The following ARHGEF3 variants were observed in gnomAD, a reference collection of about 807,000 sequenced individuals.
The protein encoded by ARHGEF3 is Rho guanine nucleotide exchange factor 3.
Under a neutral mutation model 63.2 loss-of-function variants are expected in ARHGEF3, and 28 were observed. The observed-to-expected ratio is 0.44, with a 90% CI of 0.33 to 0.61. ARHGEF3 has a LOEUF of 0.61. ARHGEF3 is among the 20% of genes least tolerant of loss of function. ARHGEF3 has a pLI of 0.03. For synonymous variants in ARHGEF3, 266 were observed against 254.2 expected, an observed-to-expected ratio of 1.05 and a Z score of -0.44; for missense variants, 533 against 659.3, an observed-to-expected ratio of 0.81 and a Z score of 2.10.
At chr3:57,035,075 T>C in intron 2 of ARHGEF3, 1 of 1,525,626 alleles carries the variant, frequency 6.6e-7, no homozygotes, top group Non-Finnish European at 8.8e-7. Context: ...TTAGGTTATT[T>C]GATTATTTTT....
chr3:56,916,989 A>G (rs1028609524), intron 3 of ARHGEF3, among the ~76,000 whole-genome samples: 1 of 152,160 alleles, frequency 6.6e-6, no homozygotes, highest in East Asian at 1.9e-4. Context: ...CTCCCTTTCA[A>G]CTTTTGTCAT....
chr3:56,941,268 C>T (rs1172940171), intron 3 of ARHGEF3, among the ~76,000 whole-genome samples: 1 of 152,238 alleles, frequency 6.6e-6, no homozygotes, highest in Non-Finnish European at 1.5e-5. Context: ...AGTGCACTGG[C>T]ATGATCTTGG....
At chr3:56,932,220 C>T (rs1429728482) in intron 3 of ARHGEF3, among the ~76,000 whole-genome samples, 1 of 152,082 alleles carries the variant, frequency 6.6e-6, no homozygotes, top group Non-Finnish European at 1.5e-5. Context: ...TGTCTTATGA[C>T]TTCAGCTTTT....
chr3:57,050,191 G>A (rs181078793), intron 1 of ARHGEF3, among the ~76,000 whole-genome samples: 2 of 152,244 alleles, frequency 1.3e-5, no homozygotes, highest in South Asian at 2.1e-4. Flanking sequence ...ATTACCACCT[G>A]CAGTATTGAA....
Position 56,732,341 on chromosome 3 carries a change from G to A in ARHGEF3, c.1125C>T (p.Tyr375=). 6.2e-7 allele frequency: 1 copy of A among 1,614,214 alleles called. No individual in the cohort carries two copies. Among genetic ancestry groups the A allele is most frequent in the Non-Finnish European group, 8.5e-7 (1 of 1,180,042 alleles). Residue 375 remains tyrosine (Y), a synonymous_variant, in exon 9 of 10, where the codon TAC becomes TAT. Coordinates refer to ENST00000296315, the MANE Select transcript of ARHGEF3 (RefSeq NM_019555.3). ...GGTCTTTCACGGGGATTGGCTGACG[G>A]TACAGCTGGTAGCAAAGCTGCTCAT... ...THNEQLCYQL[Y]RQPIPVKDLL... is the part of the protein sequence containing the mutation.
intron 1 of ARHGEF3, among the ~76,000 whole-genome samples, chr3:57,057,062 A>C (rs1038246927): frequency 5.9e-5 from 9 of 151,886 alleles, no homozygotes; most frequent in African/African-American, 2.2e-4. Flanking sequence ...TCCCGTTATG[A>C]TCCTGGGTAA....
chr3:57,022,466 T>C (rs1046449051), intron 2 of ARHGEF3, among the ~76,000 whole-genome samples: 3 of 151,174 alleles, frequency 2.0e-5, no homozygotes, highest in Non-Finnish European at 4.4e-5. Flanking sequence ...ATAGCTTTCC[T>C]ATATACAAAA....
chr3:56,791,611 C>T (rs2037080662), intron 1 of ARHGEF3, among the ~76,000 whole-genome samples: 1 of 152,112 alleles, frequency 6.6e-6, no homozygotes. Context: ...ACGGGGTTCA[C>T]TTAGAACACC....
chr3:56,983,921 C>T (rs62251124), intron 2 of ARHGEF3, among the ~76,000 whole-genome samples: 19,458 of 131,414 alleles, frequency 0.15, 1,718 homozygotes, highest in Middle Eastern at 0.21. Flanking sequence ...AGTGACAGAG[C>T]GAGACTCCGT....
At chr3:56,813,937 C>T (rs929096157) in intron 4 of ARHGEF3, among the ~76,000 whole-genome samples, 14 of 152,114 alleles carry the variant, frequency 9.2e-5, no homozygotes, top group African/African-American at 3.4e-4. Flanking sequence ...CATTCTCCCT[C>T]CTACCTGTCC....
At chr3:56,753,376 C>A in intron 4 of ARHGEF3, 128 bp downstream of exon 4, 2 of 758,928 alleles carry the variant, frequency 2.6e-6, no homozygotes. Flanking sequence ...TTCCCCACTG[C>A]TTGGTGTGTG....
intron 3 of ARHGEF3, among the ~76,000 whole-genome samples, chr3:56,933,677 T>A (rs1003879109): frequency 1.3e-5 from 2 of 152,180 alleles, no homozygotes; most frequent in African/African-American, 4.8e-5. Context: ...CGCCTTGGCC[T>A]CCTAAATTGC....
intron 1 of ARHGEF3, chr3:57,074,205 GGCT>G: frequency 1.2e-6 from 2 of 1,613,992 alleles, no homozygotes; most frequent in Non-Finnish European, 1.7e-6. Flanking sequence ...ATTTACTGAG[GGCT>G]GCTTTGTCAG....
At position 56,970,962 on chromosome 3, in the gene ARHGEF3, G is replaced by A. The variant is rs981530773; in HGVS notation, c.63-12073C>T. ...TCTCACAGGGCTGTTGTGAGGAGTA[G>A]AGGAGTTAATATACGTAAAGCTCTT... is the stretch of plus-strand genomic sequence containing the variant. On this transcript the variant is annotated intron_variant, in intron 2 of 12. Coordinates refer to the ARHGEF3 transcript ENST00000338458. 2.6e-5 allele frequency among the ~76,000 whole-genome samples: 4 copies of A among 152,190 alleles called. No individual in the cohort carries two copies. The East Asian group carries it at 7.7e-4, about 29-fold the overall frequency.
chr3:57,054,644 T>A lies in ARHGEF3; in HGVS notation c.-27-19468A>T, dbSNP rs1240363253. Among the ~76,000 whole-genome samples the A allele has an allele frequency of 1.4e-3, 112 of 82,276 alleles. 1 individual carries two copies. The highest frequency in any genetic ancestry group is 2.2e-3 in the African/African-American group (58 of 26,590). The allele number at this position is 82,276 out of a possible 152,430, so 54.0% of individuals were successfully genotyped here. On this transcript the variant is annotated intron_variant, in intron 1 of 12. Transcript: ENST00000338458. Reference sequence around the variant, plus strand: ...ACAGAGTGAGACCCCATCTCAAAAATTTTTTTTTTTTTTTTTTTGAGATGG... The same window carrying A: ...ACAGAGTGAGACCCCATCTCAAAAAATTTTTTTTTTTTTTTTTTGAGATGG...
rs574647754 is a variant in ARHGEF3, at chr3:57,010,841, C to T, written c.62+24247G>A. Among the ~76,000 whole-genome samples the T allele has an allele frequency of 5.4e-4, 83 of 152,306 alleles. 1 individual carries two copies. The South Asian group carries it at 0.015, about 27-fold the overall frequency. On this transcript the variant is annotated intron_variant, in intron 2 of 12. Coordinates refer to the ARHGEF3 transcript ENST00000338458. ...AATACACTTTACCCCAAGGAAGAGA[C>T]ATTTGGACCCTTGTTCATCGTCTGC... is the stretch of plus-strand genomic sequence containing the variant.
intron 1 of ARHGEF3, among the ~76,000 whole-genome samples, chr3:56,789,046 GC>G (rs2036957080): frequency 1.3e-5 from 2 of 150,436 alleles, no homozygotes; most frequent in African/African-American, 5.0e-5. Context: ...TGCTGCTGCT[GC>G]TGCTGCTGCT....
At chr3:56,971,604 C>T (rs1404663120) in intron 2 of ARHGEF3, among the ~76,000 whole-genome samples, 3 of 151,514 alleles carry the variant, frequency 2.0e-5, no homozygotes, top group South Asian at 2.1e-4. Flanking sequence ...GAAATTCCAG[C>T]ACTTTGGGAG....
chr3:56,798,928 C>T (rs2037504346), intron 1 of ARHGEF3, among the ~76,000 whole-genome samples: 1 of 152,118 alleles, frequency 6.6e-6, no homozygotes, highest in Non-Finnish European at 1.5e-5. Context: ...TTCAAACCCC[C>T]ATGTCATAAG....
Sources: allele counts gnomAD v4.1 joint callset (sites outside exome capture counted in the v4.1 genomes callset), GRCh38; gene constraint gnomAD v4.1.1; transcripts MANE v1.5; gene names NCBI Gene and HGNC (gene_info 2026-07-23, HGNC 2026-07-21).